ARHGEF18: variants seen among roughly 807,000 people sequenced by gnomAD.
ARHGEF18 encodes the protein rho guanine nucleotide exchange factor 18.
A neutral mutation model predicts 155.7 loss-of-function variants in ARHGEF18; 93 were observed. That is an observed-to-expected ratio of 0.60 (90% CI 0.50 to 0.71). The LOEUF (loss-of-function observed/expected upper bound fraction) is 0.71. Ranked by LOEUF, ARHGEF18 falls within the 30% of genes least tolerant of loss-of-function variation. The pLI, the probability that ARHGEF18 is intolerant of heterozygous loss-of-function variation, is 0.00. For missense variants in ARHGEF18, 1,593 were observed against 1,816.1 expected (o/e 0.88, Z 2.23); for synonymous variants, 742 against 753.1 (o/e 0.99, Z 0.24).
chr19:7,397,958 C>T (rs747786148), intron 10 of ARHGEF18, among the ~76,000 whole-genome samples: 10 of 152,128 alleles, frequency 6.6e-5, no homozygotes, highest in Non-Finnish European at 1.2e-4. Flanking sequence ...GCAAGAGGAG[C>T]GGATGTTAAG....
In ARHGEF18 at chr19:7,471,008, T is replaced by C; in HGVS notation, c.*710T>C. 2.5e-6 allele frequency: 1 copy of C among 394,156 alleles called. No individual in the cohort carries two copies. Among genetic ancestry groups the C allele is most frequent in the East Asian group, 3.6e-5 (1 of 27,632 alleles). The allele number at this position is 394,156 out of a possible 1,614,324, so 24.4% of individuals were successfully genotyped here. ...GAAAGGGGCTGACCTTTGCCCCTTT[T>C]TACTTGGCATTGGTTTTGAAACCAG... is the stretch of plus-strand genomic sequence containing the variant. On this transcript the variant is annotated 3_prime_UTR_variant, in exon 29 of 29. Coordinates refer to ENST00000668164, the MANE Select transcript of ARHGEF18 (RefSeq NM_001367823.1). This position sits in a 1 kb window ranked among gnomAD's most constrained non-coding sequence, Gnocchi z 4.4.
intron 23 of ARHGEF18, 52 bp downstream of exon 23, chr19:7,464,742 T>C (rs777318680): frequency 6.2e-7 from 1 of 1,601,882 alleles, no homozygotes. Flanking sequence ...TAAGGATTCA[T>C]GTGTGTGAGC....
intron 10 of ARHGEF18, among the ~76,000 whole-genome samples, chr19:7,419,191 A>C (rs1311968358): frequency 1.7e-5 from 2 of 121,144 alleles, no homozygotes; most frequent in Admixed American, 8.2e-5. Flanking sequence ...ATGTACCCAC[A>C]CTCGGCCTCT....
At position 7,462,460 on chromosome 19, in the gene ARHGEF18, G is replaced by A; in HGVS notation, c.2635+126G>A. 5 of 1,011,982 alleles carry A rather than the reference G, an allele frequency of 4.9e-6. No homozygotes were observed. The highest frequency in any genetic ancestry group is 3.2e-4 in the Middle Eastern group (1 of 3,084). The allele number at this position is 1,011,982 out of a possible 1,614,324, so 62.7% of individuals were successfully genotyped here. A position where few individuals can be genotyped will look rare whatever the true frequency, so the allele number is the denominator to read the frequency against. ...CCTGTCCAGGACAGGCTTCTATGTG[G>A]GGGGGGCCCAGGAGCAGCACTGACC... On this transcript the variant is annotated intron_variant, in intron 21 of 28. Coordinates refer to ENST00000668164, the MANE Select transcript of ARHGEF18 (RefSeq NM_001367823.1). This position sits in a 1 kb window ranked among gnomAD's most constrained non-coding sequence, Gnocchi z 4.4.
chr19:7,411,433 A>C (rs1396092421), intron 10 of ARHGEF18, among the ~76,000 whole-genome samples: 5 of 151,948 alleles, frequency 3.3e-5, no homozygotes, highest in Admixed American at 6.6e-5. Context: ...CAGCCTCCCA[A>C]GTAGATGGGA....
intron 19 of ARHGEF18, among the ~76,000 whole-genome samples, 188 bp downstream of exon 19, chr19:7,458,878 G>A (rs1976017455): frequency 6.6e-6 from 1 of 152,208 alleles, no homozygotes; most frequent in Non-Finnish European, 1.5e-5. Flanking sequence ...GCCCAGAAAG[G>A]CAGCTGTAAC....
chr19:7,372,389 C>G (rs10420226), intron 2 of ARHGEF18, among the ~76,000 whole-genome samples: 29,640 of 149,714 alleles, frequency 0.2, 6,647 homozygotes, highest in African/African-American at 0.55. Context: ...ATGACAAATA[C>G]AATGACTGGG....
intron 16 of ARHGEF18, among the ~76,000 whole-genome samples, chr19:7,453,171 T>TG (rs1975596687): frequency 6.6e-6 from 1 of 152,038 alleles, no homozygotes; most frequent in South Asian, 2.1e-4. Context: ...TACTCTAGCC[T>TG]GGGTGACAGA....
chr19:7,403,781 C>T (rs1972147042), intron 10 of ARHGEF18, among the ~76,000 whole-genome samples: 1 of 151,854 alleles, frequency 6.6e-6, no homozygotes, highest in South Asian at 2.1e-4. Context: ...AAGAGATCCT[C>T]CTGCTGGGCT....
intron 10 of ARHGEF18, among the ~76,000 whole-genome samples, chr19:7,402,405 C>G (rs1269067065): frequency 6.6e-6 from 1 of 152,056 alleles, no homozygotes; most frequent in African/African-American, 2.4e-5. Flanking sequence ...GGCAACTGAG[C>G]GAGACTCTGT....
chr19:7,431,533 AGGC>A, intron 10 of ARHGEF18, among the ~76,000 whole-genome samples: 1 of 148,422 alleles, frequency 6.7e-6, no homozygotes, highest in Non-Finnish European at 1.5e-5. Context: ...AAAAAAAAAA[AGGC>A]CGGGCTCAGT....
chr19:7,380,971 G>A lies in ARHGEF18; in HGVS notation c.699G>A (p.Leu233=). ...SASPGGAHSN[L]TWFEFLSESE... The stretch of plus-strand genomic sequence containing the variant: ...GCCCCGGAGGAGCCCACTCGAACCT[G>A]ACCTGGTTTGAATTCCTGTCGGAGT... Residue 233 remains leucine (L), a synonymous_variant, in exon 8 of 29, where the codon CTG becomes CTA. Transcript: ENST00000668164. 8.1e-7 allele frequency: 1 copy of A among 1,232,228 alleles called. No individual in the cohort carries two copies. Among genetic ancestry groups the A allele is most frequent in the South Asian group, 4.1e-5 (1 of 24,322 alleles). 76.3% of individuals were successfully genotyped at this position (1,232,228 alleles called of 1,614,324 possible).
rs1388443122 is a variant in ARHGEF18, at chr19:7,362,865, C to T, written c.-26C>T. ...AAGAGCAGCAGTGGATCCTGGAAAC[C>T]TGAGAACCCAGACTTCTTCTCTGCC... On this transcript the variant is annotated 5_prime_UTR_variant, in exon 2 of 29. Coordinates refer to ENST00000668164, the MANE Select transcript of ARHGEF18 (RefSeq NM_001367823.1). 3 of 1,234,196 alleles carry T rather than the reference C, an allele frequency of 2.4e-6. No homozygotes were observed. The highest frequency in any genetic ancestry group is 3.2e-5 in the East Asian group (1 of 31,708). 76.5% of individuals were successfully genotyped at this position (1,234,196 alleles called of 1,614,324 possible).
At chr19:7,439,772 C>A (rs1974506956) in intron 10 of ARHGEF18, 1 of 1,405,694 alleles carries the variant, frequency 7.1e-7, no homozygotes, top group South Asian at 1.7e-5. Flanking sequence ...GAGGTTTTGG[C>A]ATGAAGCACG....
chr19:7,372,354 A>C (rs1970244792), intron 2 of ARHGEF18, among the ~76,000 whole-genome samples: 1 of 152,100 alleles, frequency 6.6e-6, no homozygotes, highest in South Asian at 2.1e-4. Flanking sequence ...GCAAGAAGAA[A>C]AGGCAGGTGC....
chr19:7,478,487 C>A, the ARHGEF18 span: 1 of 1,139,796 alleles, frequency 8.8e-7, no homozygotes, highest in Middle Eastern at 2.1e-4. Flanking sequence ...CTCGGATAAA[C>A]GGCCTGCCCT....
chr19:7,399,919 C>T (rs557474156), intron 10 of ARHGEF18, among the ~76,000 whole-genome samples: 32 of 151,980 alleles, frequency 2.1e-4, no homozygotes, highest in Non-Finnish European at 3.2e-4. Context: ...ACTATAGGTG[C>T]GTACCACCGC....
intron 10 of ARHGEF18, among the ~76,000 whole-genome samples, chr19:7,435,186 C>T (rs1190004989): frequency 1.3e-5 from 2 of 151,326 alleles, no homozygotes; most frequent in African/African-American, 2.4e-5. Context: ...AGTGACAGAG[C>T]GAGACTCCAT....
At chr19:7,460,913 C>T (rs749082544) in intron 20 of ARHGEF18, among the ~76,000 whole-genome samples, 2 of 151,780 alleles carry the variant, frequency 1.3e-5, no homozygotes, top group African/African-American at 4.8e-5. Context: ...CTCAGCCTCC[C>T]GAGTAGCTGG....
Sources: gnomAD v4.1 joint callset for allele counts (sites outside exome capture counted in the v4.1 genomes callset) on GRCh38, gnomAD v4.1.1 for gene constraint, Gnocchi (gnomAD v3.1) non-coding constraint, MANE v1.5 for transcripts, NCBI Gene and HGNC (gene_info 2026-07-23, HGNC 2026-07-21) for gene names.